Variants in ADAM22 observed in about 807,000 individuals in gnomAD.
The protein encoded by ADAM22 is ADAM metallopeptidase domain 22, also known as disintegrin and metalloproteinase domain-containing protein 22.
A neutral mutation model predicts 144.6 loss-of-function variants in ADAM22; 65 were observed. The ratio of observed to expected loss-of-function variants is 0.45; its 90% CI spans 0.37 to 0.55. The LOEUF is 0.55. ADAM22 is among the 20% of genes least tolerant of loss of function. The pLI is 0.00. For missense variants in ADAM22, 974 were observed against 1,184.9 expected (o/e 0.82, Z 2.61); for synonymous variants, 391 against 412.6 (o/e 0.95, Z 0.63).
At chr7:88,172,332 G>C (rs1226356079) in intron 26 of ADAM22, among the ~76,000 whole-genome samples, 1 of 151,878 alleles carries the variant, frequency 6.6e-6, no homozygotes, top group African/African-American at 2.4e-5. Context: ...AAAGTTACTA[G>C]TGCTGTTAGC....
At chr7:88,040,159 T>C (rs567508477) in intron 3 of ADAM22, among the ~76,000 whole-genome samples, 18 of 151,808 alleles carry the variant, frequency 1.2e-4, no homozygotes, top group African/African-American at 3.1e-4. Flanking sequence ...TGAGATGGAG[T>C]CTTGCTCTGT....
At chr7:88,030,958 T>C (rs1300991324) in intron 3 of ADAM22, among the ~76,000 whole-genome samples, 2 of 151,882 alleles carry the variant, frequency 1.3e-5, no homozygotes, top group Non-Finnish European at 2.9e-5. Flanking sequence ...CTACTAAAAA[T>C]ACAAAAAATT....
intron 14 of ADAM22, among the ~76,000 whole-genome samples, 186 bp from the exon 15 acceptor site, chr7:88,142,837 CAAA>C (rs35939860): frequency 1.7e-5 from 2 of 117,318 alleles, no homozygotes; most frequent in Non-Finnish European, 1.9e-5. Context: ...GACTCCGTCT[CAAA>C]AAAAAAAAAA....
At chr7:87,956,826 C>T (rs960995259) in intron 2 of ADAM22, among the ~76,000 whole-genome samples, 1 of 152,144 alleles carries the variant, frequency 6.6e-6, no homozygotes, top group African/African-American at 2.4e-5. Flanking sequence ...TTTTGATGGA[C>T]ATTTGAGTTA....
At chr7:87,976,578 T>G (rs1345565230) in intron 2 of ADAM22, among the ~76,000 whole-genome samples, 2 of 152,178 alleles carry the variant, frequency 1.3e-5, no homozygotes, top group Non-Finnish European at 2.9e-5. Flanking sequence ...GTATTTTGTT[T>G]TGGCAGTCCT....
chr7:88,086,625 C>CT (rs1818510619), intron 4 of ADAM22, among the ~76,000 whole-genome samples: 1 of 152,098 alleles, frequency 6.6e-6, no homozygotes, highest in Non-Finnish European at 1.5e-5. Flanking sequence ...TCAGGGAGAA[C>CT]TTTTATATGA....
intron 3 of ADAM22, among the ~76,000 whole-genome samples, chr7:88,008,083 G>T (rs1348577118): frequency 2.0e-5 from 3 of 152,024 alleles, no homozygotes; most frequent in African/African-American, 7.3e-5. Context: ...TCAAAAAGTG[G>T]GCAAAGGACA....
At chr7:88,159,831 T>G (rs1841070428) in intron 22 of ADAM22, among the ~76,000 whole-genome samples, 1 of 152,284 alleles carries the variant, frequency 6.6e-6, no homozygotes, top group Non-Finnish European at 1.5e-5. Flanking sequence ...GCATTCTCCT[T>G]GAAAACTTAC....
intron 22 of ADAM22, among the ~76,000 whole-genome samples, chr7:88,157,235 C>T (rs1563349527): frequency 6.6e-6 from 1 of 151,970 alleles, no homozygotes; most frequent in Non-Finnish European, 1.5e-5. Context: ...TCCATATTAA[C>T]AGGCTCACCA....
At chr7:88,156,787 A>G (rs1302682731) in intron 22 of ADAM22, among the ~76,000 whole-genome samples, 1 of 152,144 alleles carries the variant, frequency 6.6e-6, no homozygotes, top group Admixed American at 6.6e-5. Flanking sequence ...GACAGCAAGC[A>G]ATATTTATAT....
At chr7:88,154,149 A>G (rs1839233158) in intron 21 of ADAM22, among the ~76,000 whole-genome samples, 2 of 152,236 alleles carry the variant, frequency 1.3e-5, no homozygotes, top group Non-Finnish European at 2.9e-5. Context: ...GTCCGAAGTC[A>G]TGTATATGGG....
intron 3 of ADAM22, among the ~76,000 whole-genome samples, chr7:88,026,154 T>C (rs555105728): frequency 1.6e-3 from 249 of 152,216 alleles, no homozygotes; most frequent in Non-Finnish European, 2.6e-3. Context: ...TTAGCATGTG[T>C]GTTAGCACAG....
chr7:88,172,378 CT>C (rs1844553979), intron 26 of ADAM22, among the ~76,000 whole-genome samples: 4 of 151,852 alleles, frequency 2.6e-5, no homozygotes, highest in Non-Finnish European at 4.4e-5. Context: ...ATCCTGGAAA[CT>C]GATAACCTAG....
intron 3 of ADAM22, among the ~76,000 whole-genome samples, chr7:88,054,545 G>A (rs1252022561): frequency 6.6e-6 from 1 of 150,382 alleles, no homozygotes; most frequent in African/African-American, 2.5e-5. Context: ...TCACCATTCT[G>A]TTCCCTTCCC....
intron 7 of ADAM22, among the ~76,000 whole-genome samples, chr7:88,120,052 T>C (rs1039344016): frequency 6.6e-6 from 1 of 152,266 alleles, no homozygotes; most frequent in African/African-American, 2.4e-5. Flanking sequence ...TGGCCCCATC[T>C]TGAGAGTTTT....
At chr7:88,088,447 G>T (rs917205) in intron 4 of ADAM22, among the ~76,000 whole-genome samples, 1 of 151,134 alleles carries the variant, frequency 6.6e-6, no homozygotes, top group Admixed American at 6.6e-5. Context: ...CTTAAAAAAG[G>T]GATACCTTTT....
At chr7:88,087,248 AC>A (rs1303580544) in intron 4 of ADAM22, among the ~76,000 whole-genome samples, 1 of 152,210 alleles carries the variant, frequency 6.6e-6, no homozygotes, top group Non-Finnish European at 1.5e-5. Context: ...CTCATGGTAT[AC>A]ATATCTAATT....
chr7:87,983,762 G>A (rs1854284952), intron 3 of ADAM22, among the ~76,000 whole-genome samples: 1 of 151,798 alleles, frequency 6.6e-6, no homozygotes, highest in South Asian at 2.1e-4. Context: ...GTAGAGTGTT[G>A]ATTATTGATT....
At position 88,033,964 on chromosome 7, in the gene ADAM22, G is replaced by A. The variant is rs373097133; in HGVS notation, c.324-41662G>A. On this transcript the variant is annotated intron_variant, in intron 3 of 31. Transcript: ENST00000413139. ...GCAGTGAGCTCCCCTCTGGCCCAGA[G>A]CAGATCCAGAAATGCCTTCCAGGAG... Among the ~76,000 whole-genome samples the A allele has an allele frequency of 1.3e-4, 20 of 152,250 alleles. 1 individual carries two copies. The East Asian group carries it at 3.7e-3, about 28-fold the overall frequency.
Sources: gnomAD v4.1 joint callset for allele counts (sites outside exome capture counted in the v4.1 genomes callset) on GRCh38, gnomAD v4.1.1 for gene constraint, MANE v1.5 for transcripts, NCBI Gene and HGNC (gene_info 2026-07-23, HGNC 2026-07-21) for gene names.